EYS: variants seen among roughly 807,000 people sequenced by gnomAD.
The protein encoded by EYS is protein eyes shut homolog.
Under a neutral mutation model 282.1 loss-of-function variants are expected in EYS, and 250 were observed. The observed-to-expected ratio is 0.89, with a 90% CI of 0.80 to 0.98. The LOEUF (loss-of-function observed/expected upper bound fraction) is 0.98, where lower values mean the gene tolerates loss of function less well. Among genes scored for constraint, EYS ranks in the 50% least tolerant of loss-of-function variants. The pLI is 0.00. For missense variants in EYS, 4,016 were observed against 3,709.0 expected (o/e 1.08, Z -2.15); for synonymous variants, 1,355 against 1,282.9 (o/e 1.06, Z -1.20).
At chr6:65,664,078 G>A (rs9363417) in intron 1 of EYS, among the ~76,000 whole-genome samples, 1 of 151,912 alleles carries the variant, frequency 6.6e-6, no homozygotes, top group Non-Finnish European at 1.5e-5. Context: ...CACCGTGTTA[G>A]CCGTGATGGT....
intron 33 of EYS, among the ~76,000 whole-genome samples, chr6:64,035,674 G>T (rs1292657330): frequency 6.6e-6 from 1 of 152,126 alleles, no homozygotes; most frequent in Non-Finnish European, 1.5e-5. Flanking sequence ...GACAGTAAGA[G>T]GACAACCTTC....
chr6:65,119,693 T>C (rs1040200666), intron 12 of EYS, among the ~76,000 whole-genome samples: 14 of 150,654 alleles, frequency 9.3e-5, no homozygotes, highest in African/African-American at 3.0e-4. Context: ...ATTGAATCAT[T>C]CTTTGATATT....
chr6:65,411,078 T>C (rs1766995819), intron 5 of EYS, among the ~76,000 whole-genome samples: 1 of 152,002 alleles, frequency 6.6e-6, no homozygotes, highest in African/African-American at 2.4e-5. Context: ...CCCATAATAA[T>C]TCCATGCTCT....
At chr6:65,293,193 T>C (rs1427101237) in intron 12 of EYS, among the ~76,000 whole-genome samples, 2 of 151,538 alleles carry the variant, frequency 1.3e-5, no homozygotes, top group Non-Finnish European at 1.5e-5. Flanking sequence ...TGGTCTTATT[T>C]TGACCATGTA....
At position 65,689,581 on chromosome 6, in the gene EYS, T is replaced by C. The variant is rs138821793; in HGVS notation, c.-448+17554A>G. ...TTGAAAAGTAGAAAAAATTATCCTA[T>C]ATTATTTTGAGTTGCTGTGATATAT... is the stretch of plus-strand genomic sequence containing the variant. On this transcript the variant is annotated intron_variant, in intron 1 of 42. Transcript: ENST00000503581. Among the ~76,000 whole-genome samples the C allele has an allele frequency of 6.1e-4, 91 of 150,140 alleles. 2 individuals are homozygous for C. Among genetic ancestry groups the C allele is most frequent in the African/African-American group, 1.9e-3 (80 of 41,260 alleles).
intron 19 of EYS, among the ~76,000 whole-genome samples, chr6:64,859,444 T>TA (rs34525802): frequency 0.19 from 28,117 of 151,806 alleles, 3,260 homozygotes; most frequent in East Asian, 0.67. Flanking sequence ...AAAACAAAAA[T>TA]AATGGAAATA....
intron 30 of EYS, among the ~76,000 whole-genome samples, chr6:64,305,490 A>T (rs1453989990): frequency 2.6e-5 from 4 of 152,226 alleles, no homozygotes; most frequent in African/African-American, 4.8e-5. Context: ...CTTAATTACA[A>T]TGCTACCTTT....
chr6:65,030,191 T>C (rs541424617), intron 13 of EYS, among the ~76,000 whole-genome samples: 4 of 152,220 alleles, frequency 2.6e-5, no homozygotes, highest in Non-Finnish European at 4.4e-5. Flanking sequence ...GCCAATAAGA[T>C]GGATGTGACC....
At chr6:64,718,798 A>T (rs1771479279) in intron 22 of EYS, among the ~76,000 whole-genome samples, 1 of 152,238 alleles carries the variant, frequency 6.6e-6, no homozygotes, top group Non-Finnish European at 1.5e-5. Flanking sequence ...ATGCAATATC[A>T]TAGTACTTAA....
intron 30 of EYS, among the ~76,000 whole-genome samples, chr6:64,252,956 C>A (rs1226835166): frequency 3.3e-5 from 5 of 152,090 alleles, no homozygotes; most frequent in Non-Finnish European, 7.4e-5. Flanking sequence ...ACAGTGATGG[C>A]ATTCAATAGT....
intron 26 of EYS, among the ~76,000 whole-genome samples, chr6:64,467,470 T>C (rs1393165064): frequency 1.3e-5 from 2 of 152,292 alleles, no homozygotes; most frequent in South Asian, 4.1e-4. Flanking sequence ...CTAGGAAGTA[T>C]GCAATATTCA....
At chr6:65,545,144 A>G (rs1428296128) in intron 2 of EYS, among the ~76,000 whole-genome samples, 1 of 152,092 alleles carries the variant, frequency 6.6e-6, no homozygotes, top group African/African-American at 2.4e-5. Context: ...TTAAAAAGAA[A>G]AAAGTTGCCT....
At chr6:65,286,267 T>C (rs1200101717) in intron 12 of EYS, among the ~76,000 whole-genome samples, 3 of 151,828 alleles carry the variant, frequency 2.0e-5, no homozygotes, top group African/African-American at 7.2e-5. Flanking sequence ...CTTTTATACA[T>C]TATCTCAATC....
At chr6:64,648,424 TTCTG>T (rs1348576449) in intron 22 of EYS, among the ~76,000 whole-genome samples, 23 of 152,196 alleles carry the variant, frequency 1.5e-4, no homozygotes, top group African/African-American at 4.8e-4. Flanking sequence ...GATCATAAAA[TTCTG>T]TCTGTGTTTA....
At chr6:65,233,110 C>A (rs1204228887) in intron 12 of EYS, among the ~76,000 whole-genome samples, 1 of 151,982 alleles carries the variant, frequency 6.6e-6, no homozygotes, top group African/African-American at 2.4e-5. Flanking sequence ...TCCTTTAATT[C>A]TTTGAGCATG....
intron 35 of EYS, among the ~76,000 whole-genome samples, chr6:63,882,763 C>G (rs576759940): frequency 7.2e-5 from 11 of 151,928 alleles, no homozygotes; most frequent in Admixed American, 5.2e-4. Context: ...ATAATTAATC[C>G]GAAACATAAA....
chr6:63,861,576 T>A (rs979782295), intron 36 of EYS, among the ~76,000 whole-genome samples: 1 of 152,200 alleles, frequency 6.6e-6, no homozygotes, highest in Non-Finnish European at 1.5e-5. Context: ...CCTGCTAACA[T>A]TAGATTTTTT....
intron 41 of EYS, among the ~76,000 whole-genome samples, chr6:63,734,798 A>G (rs1284452998): frequency 2.6e-5 from 4 of 152,112 alleles, no homozygotes; most frequent in African/African-American, 9.7e-5. Context: ...AAGATGTTCA[A>G]GGTGGTGGTT....
At chr6:64,615,263 T>C (rs1387346546) in intron 24 of EYS, among the ~76,000 whole-genome samples, 1 of 152,120 alleles carries the variant, frequency 6.6e-6, no homozygotes, top group Non-Finnish European at 1.5e-5. Flanking sequence ...GAAGTACCCA[T>C]GAAGTTTCAC....
Sources: allele counts gnomAD v4.1 joint callset (sites outside exome capture counted in the v4.1 genomes callset), GRCh38; gene constraint gnomAD v4.1.1; transcripts MANE v1.5; gene names NCBI Gene and HGNC (gene_info 2026-07-23, HGNC 2026-07-21).